The following DONSON variants were observed in gnomAD, a reference collection of about 807,000 sequenced individuals.
DONSON encodes DNA replication fork stabilization factor DONSON, also known as protein downstream neighbor of Son.
Under a neutral mutation model 62.1 loss-of-function variants are expected in DONSON, and 43 were observed. The ratio of observed to expected loss-of-function variants is 0.69; its 90% CI spans 0.54 to 0.89. The LOEUF is 0.89. DONSON is among the 40% of genes least tolerant of loss of function. The pLI, the probability that DONSON is intolerant of heterozygous loss-of-function variation, is 0.00. For synonymous variants in DONSON, 266 were observed against 264.6 expected (o/e 1.01, Z -0.05); for missense variants, 696 against 697.5 (o/e 1.00, Z 0.03).
chr21:33,584,601 T>G lies in DONSON; in HGVS notation c.774A>C (p.Leu258Phe). 6.2e-7 allele frequency: 1 copy of G among 1,603,006 alleles called. No homozygotes were observed. The highest frequency in any genetic ancestry group is 8.5e-7 in the Non-Finnish European group (1 of 1,174,772). The change falls in exon 4 of 10, where the codon TTA becomes TTC. Residue 258 changes from leucine (L) to phenylalanine (F), a missense_variant. Transcript: ENST00000303071. ...WSNDATLQHVLMSDWSVSFTS... is the reference protein window; with the variant it reads ...WSNDATLQHVFMSDWSVSFTS... ...CTTACTAATCTTACCAGTCACTCAT[T>G]AAAACATGCTGCAGGGTTGCATCAT...
chr21:33,579,851 G>A (rs1020383306), intron 8 of DONSON, among the ~76,000 whole-genome samples: 24 of 151,910 alleles, frequency 1.6e-4, no homozygotes, highest in African/African-American at 5.6e-4. Context: ...GCAGACTATT[G>A]GAAAAACAAA....
At chr21:33,579,319 T>A in intron 9 of DONSON, 31 bp downstream of exon 9, 1 of 1,473,400 alleles carries the variant, frequency 6.8e-7, no homozygotes, top group East Asian at 2.3e-5. Context: ...AAACTACAAC[T>A]AAAACAGTCT....
intron 8 of DONSON, 141 bp downstream of exon 8, chr21:33,581,157 ATTTT>A (rs372815350): frequency 3.0e-6 from 2 of 675,704 alleles, no homozygotes; most frequent in African/African-American, 3.6e-5. Flanking sequence ...GTCTTATATA[ATTTT>A]TGTTTCTTTT....
chr21:33,579,630 G>T, intron 8 of DONSON, 68 bp from the exon 9 acceptor site: 1 of 1,285,760 alleles, frequency 7.8e-7, no homozygotes, highest in East Asian at 2.3e-5. Flanking sequence ...CCAAAAATAT[G>T]TTCAATATAT....
Position 33,579,511 on chromosome 21 carries a change from A to G in DONSON, c.1402T>C (p.Phe468Leu), listed in dbSNP as rs760236557. 1 of 1,614,192 alleles carries G rather than the reference A, an allele frequency of 6.2e-7. No homozygotes were observed. ...TQALSGYRDQFSLEITGPIMP... is the reference protein window; with the variant it reads ...TQALSGYRDQLSLEITGPIMP... ...ATAGGACCTGTAATCTCCAAACTAA[A>G]TTGGTCTCTGTATCCAGAAAGAGCT... The change falls in exon 9 of 10, where the codon TTT becomes CTT. Residue 468 changes from phenylalanine (F) to leucine (L), a missense_variant. Coordinates refer to ENST00000303071, the MANE Select transcript of DONSON (RefSeq NM_017613.4).
intron 7 of DONSON, 40 bp downstream of exon 7, chr21:33,581,911 A>G (rs1202292687): frequency 6.4e-6 from 10 of 1,563,698 alleles, no homozygotes; most frequent in African/African-American, 5.4e-5. Context: ...AACGTCATTC[A>G]ATGAAAATTA....
rs780275527 is a variant in DONSON at position 33,587,479 on chromosome 21, G to A, written c.402+43C>T. Reference sequence around the variant, plus strand: ...TAGGCTCAAATCCTATGAAAAAAAAGTTTATACAAATACACATTCTAATGA... The same window carrying A: ...TAGGCTCAAATCCTATGAAAAAAAAATTTATACAAATACACATTCTAATGA... On this transcript the variant is annotated intron_variant, in intron 2 of 9. Transcript: ENST00000303071. 8 of 1,518,230 alleles carry A rather than the reference G, an allele frequency of 5.3e-6. No individual in the cohort carries two copies. The East Asian group carries it at 1.4e-4, about 27-fold the overall frequency. 94.0% of individuals were successfully genotyped at this position (1,518,230 alleles called of 1,614,324 possible). A position where few individuals can be genotyped will look rare whatever the true frequency, so the allele number is the denominator to read the frequency against.
chr21:33,587,345 T>TA, intron 2 of DONSON, 177 bp downstream of exon 2: 1 of 985,340 alleles, frequency 1.0e-6, no homozygotes, highest in South Asian at 4.7e-5. Flanking sequence ...CCAACTCCTT[T>TA]ACCTTGGCTG....
chr21:33,579,347 T>TA lies in DONSON; in HGVS notation c.1563+2dup. The TA allele has an allele frequency of 6.3e-7, 1 of 1,590,356 alleles. No individual in the cohort carries two copies. The highest frequency in any genetic ancestry group is 8.6e-7 in the Non-Finnish European group (1 of 1,164,542). On this transcript the variant is annotated splice_region_variant and intron_variant, in intron 9 of 9. Transcript: ENST00000303071. ...AACAGTCTGCTCATAGGTGTCTACT[T>TA]ACCATATCAAGTACTTTGTCCATTT...
chr21:33,587,469 TG>T (rs111721548), intron 2 of DONSON, 52 bp downstream of exon 2: 273 of 1,473,128 alleles, frequency 1.9e-4, no homozygotes, highest in East Asian at 8.5e-4. Context: ...TCAAATCCTA[TG>T]AAAAAAAAGT....
chr21:33,586,755 C>T (rs2086581570), intron 2 of DONSON, among the ~76,000 whole-genome samples: 1 of 152,026 alleles, frequency 6.6e-6, no homozygotes, highest in South Asian at 2.1e-4. Context: ...GTGCCTCGTC[C>T]TCCCGAGTAC....
Position 33,582,014 on chromosome 21 carries a change from G to GAA in DONSON, c.1086_1087dup (p.Ser363PhefsTer42), listed in dbSNP as rs990508855. Reference sequence around the variant, plus strand: ...TTGCACACCCATCTCTTCCAGCCAGGAAAAACTTTCCTCTTCATCCTCATC... The same window carrying GAA: ...TTGCACACCCATCTCTTCCAGCCAGGAAAAAAACTTTCCTCTTCATCCTCATC... On this transcript the variant is annotated frameshift_variant, in exon 7 of 10. Transcript: ENST00000303071. LOFTEE classifies it high-confidence loss of function. 2 of 1,614,008 alleles carry GAA rather than the reference G, an allele frequency of 1.2e-6. No homozygotes were observed. The highest frequency in any genetic ancestry group is 1.7e-6 in the Non-Finnish European group (2 of 1,180,024).
At chr21:33,585,616 G>A (rs2086569142) in intron 3 of DONSON, among the ~76,000 whole-genome samples, 1 of 151,792 alleles carries the variant, frequency 6.6e-6, no homozygotes, top group Non-Finnish European at 1.5e-5. Context: ...TCTTATACAG[G>A]TAAGAAAATC....
intron 3 of DONSON, 115 bp downstream of exon 3, chr21:33,585,863 T>A: frequency 1.0e-6 from 1 of 978,724 alleles, no homozygotes; most frequent in Non-Finnish European, 1.5e-6. Flanking sequence ...TGTCTTTGTA[T>A]CTTTAAATTT....
At position 33,587,612 on chromosome 21, in the gene DONSON, A is replaced by T; in HGVS notation, c.322-10T>A. 1 of 1,556,646 alleles carries T rather than the reference A, an allele frequency of 6.4e-7. No individual in the cohort carries two copies. The highest frequency in any genetic ancestry group is 8.7e-7 in the Non-Finnish European group (1 of 1,146,750). On this transcript the variant is annotated splice_polypyrimidine_tract_variant and intron_variant, in intron 1 of 9. Transcript: ENST00000303071. The stretch of plus-strand genomic sequence containing the variant: ...GATTAGAATCTAAAAACTGAGGTTA[A>T]ATATATTCTCCTTTAAAATTTAAAG...
rs574776074 is a variant in DONSON, at chr21:33,579,724, ATACT to A, written c.1351-166_1351-163del. 185 of 552,694 alleles carry A rather than the reference ATACT, an allele frequency of 3.3e-4. 1 individual carries two copies. The highest frequency in any genetic ancestry group is 1.6e-4 in the Admixed American group (5 of 31,974). The allele number at this position is 552,694 out of a possible 1,614,324, so 34.2% of individuals were successfully genotyped here. A position where few individuals can be genotyped will look rare whatever the true frequency, so the allele number is the denominator to read the frequency against. ...TCTAAACAATGTTATGTGAGTACAAATACTTAGTAAATTTTCAGCAACCTTTCCA... is the reference window on the plus strand; with the variant it reads ...TCTAAACAATGTTATGTGAGTACAAATAGTAAATTTTCAGCAACCTTTCCA... On this transcript the variant is annotated intron_variant, in intron 8 of 9. Transcript: ENST00000303071.
At chr21:33,583,200 CAAAAAAAAAAAAAAAAAAA>C (rs552034893) in intron 5 of DONSON, among the ~76,000 whole-genome samples, 1 of 58,928 alleles carries the variant, frequency 1.7e-5, no homozygotes, top group South Asian at 6.3e-4. Flanking sequence ...GTCTCCATCT[CAAAAAAAAAAAAAAAAAAA>C]AAAAAAGAAT....
intron 9 of DONSON, among the ~76,000 whole-genome samples, chr21:33,579,121 A>G (rs1033852364): frequency 3.3e-5 from 5 of 151,870 alleles, no homozygotes; most frequent in African/African-American, 1.2e-4. Context: ...CCCGGGCAAC[A>G]GCAAGACTCC....
At chr21:33,584,142 T>C (rs551539893) in intron 4 of DONSON, among the ~76,000 whole-genome samples, 18 of 150,386 alleles carry the variant, frequency 1.2e-4, no homozygotes, top group Admixed American at 7.9e-4. Context: ...CCTCCCAGGT[T>C]CATGCCATTC....
Sources: gnomAD v4.1 joint callset for allele counts (sites outside exome capture counted in the v4.1 genomes callset) on GRCh38, gnomAD v4.1.1 for gene constraint, MANE v1.5 for transcripts, NCBI Gene and HGNC (gene_info 2026-07-23, HGNC 2026-07-21) for gene names.